AHRR: variants seen among roughly 807,000 people sequenced by gnomAD.
AHRR encodes the protein aryl hydrocarbon receptor repressor, also known as ahR repressor.
A neutral mutation model predicts 44.0 loss-of-function variants in AHRR; 28 were observed. That is an observed-to-expected ratio of 0.64 (90% CI 0.47 to 0.87). The LOEUF (loss-of-function observed/expected upper bound fraction) is 0.87, where lower values mean the gene tolerates loss of function less well. AHRR is among the 40% of genes least tolerant of loss of function. The pLI is 0.00. For synonymous variants in AHRR, 434 were observed against 407.0 expected (o/e 1.07, Z -0.80); for missense variants, 990 against 953.9 (o/e 1.04, Z -0.50).
intron 7 of AHRR, among the ~76,000 whole-genome samples, chr5:424,983 C>T (rs1473735618): frequency 1.3e-5 from 2 of 152,240 alleles, no homozygotes; most frequent in Non-Finnish European, 2.9e-5. Flanking sequence ...CCCTCAGAGC[C>T]CCAGTGGTGG....
At chr5:398,371 A>G (rs962250306) in intron 4 of AHRR, among the ~76,000 whole-genome samples, 4 of 149,120 alleles carry the variant, frequency 2.7e-5, no homozygotes, top group African/African-American at 1.0e-4. Flanking sequence ...GATTGTCCGC[A>G]TTAGCCCCGA....
chr5:403,207 A>T (rs759890276), intron 4 of AHRR, among the ~76,000 whole-genome samples: 1 of 151,954 alleles, frequency 6.6e-6, no homozygotes, highest in Non-Finnish European at 1.5e-5. Flanking sequence ...CGGGCTGAGG[A>T]GGGGAGTGGG....
At chr5:375,337 T>C (rs1258870624) in intron 3 of AHRR, among the ~76,000 whole-genome samples, 1 of 152,166 alleles carries the variant, frequency 6.6e-6, no homozygotes, top group Non-Finnish European at 1.5e-5. Context: ...TCTGTCTGGG[T>C]CGGGCTCTTG....
chr5:327,786 ATT>A, intron 1 of AHRR, among the ~76,000 whole-genome samples: 1 of 151,962 alleles, frequency 6.6e-6, no homozygotes, highest in African/African-American at 2.4e-5. Flanking sequence ...ATTTTATTTT[ATT>A]TTATTATTAC....
rs1396655576 is a variant in AHRR, at chr5:383,926, C to CA, written c.351+7212dup. 2.0e-5 allele frequency among the ~76,000 whole-genome samples: 3 copies of CA among 152,062 alleles called. No homozygotes were observed. The highest frequency in any genetic ancestry group is 4.8e-5 in the African/African-American group (2 of 41,398). ...CTTACTCCATCTTTTTACTTTTAAT[C>CA]AATTTATGTCATTATATTAAAAGTG... On this transcript the variant is annotated intron_variant, in intron 4 of 10. Transcript: ENST00000684583. This position sits in a 1 kb window ranked among gnomAD's most constrained non-coding sequence, Gnocchi z 4.0.
rs1166161604 is a variant in AHRR at position 337,474 on chromosome 5, G to A, written c.-10-6419G>A. On this transcript the variant is annotated intron_variant, in intron 1 of 10. Coordinates refer to ENST00000684583, the MANE Select transcript of AHRR (RefSeq NM_001377236.1). The surrounding 1 kb of genome is among the most constrained non-coding windows in gnomAD (Gnocchi z 4.1). Reference sequence around the variant, plus strand: ...GCTCACTGCAGCCTTGACCTCCCAGGCTCAAGCGATACTCCTGCCTTAGTC... The same window carrying A: ...GCTCACTGCAGCCTTGACCTCCCAGACTCAAGCGATACTCCTGCCTTAGTC... Among the ~76,000 whole-genome samples the A allele has an allele frequency of 6.6e-6, 1 of 152,094 alleles. No homozygotes were observed. Among genetic ancestry groups the A allele is most frequent in the Non-Finnish European group, 1.5e-5 (1 of 68,020 alleles).
chr5:324,928 G>A (rs991263143), intron 1 of AHRR, among the ~76,000 whole-genome samples: 1 of 152,206 alleles, frequency 6.6e-6, no homozygotes, highest in Non-Finnish European at 1.5e-5. Flanking sequence ...ATATTTATCT[G>A]CTTCTGGTGA....
rs77661553 is a variant in AHRR, at chr5:408,147, T to C, written c.352-5197T>C. Among the ~76,000 whole-genome samples the C allele has an allele frequency of 1.8e-4, 28 of 152,364 alleles. No individual in the cohort carries two copies. In the East Asian group the frequency reaches 3.5e-3, roughly 19 times the overall value. ...CAATGAATAAATGTGTGAGCATGGC[T>C]GTGTTCCAGCGAGGCTCTGTTTACA... On this transcript the variant is annotated intron_variant, in intron 4 of 10. Transcript: ENST00000684583.
At chr5:327,623 T>C (rs920268087) in intron 1 of AHRR, among the ~76,000 whole-genome samples, 9 of 152,232 alleles carry the variant, frequency 5.9e-5, no homozygotes, top group African/African-American at 2.2e-4. Flanking sequence ...ATTAATCCAC[T>C]GATGGGAACT....
rs998860769 is a variant in AHRR, at chr5:405,375, A to T, written c.352-7969A>T. The stretch of plus-strand genomic sequence containing the variant: ...CGTGGTGGAGTTCAGGGTGATAACG[A>T]TGGGCTTCTTTACTGATGCCAAACC... On this transcript the variant is annotated intron_variant, in intron 4 of 10. Transcript: ENST00000684583. This position sits in a 1 kb window ranked among gnomAD's most constrained non-coding sequence, Gnocchi z 4.5. 6.6e-6 allele frequency among the ~76,000 whole-genome samples: 1 copy of T among 152,146 alleles called. No individual in the cohort carries two copies. The highest frequency in any genetic ancestry group is 1.5e-5 in the Non-Finnish European group (1 of 68,024).
intron 2 of AHRR, among the ~76,000 whole-genome samples, chr5:350,214 A>G (rs1246590637): frequency 6.6e-6 from 1 of 152,250 alleles, no homozygotes; most frequent in Admixed American, 6.5e-5. Context: ...GAGAATTGCC[A>G]TCAACAATAT....
At chr5:350,550 T>A (rs757421268) in intron 2 of AHRR, among the ~76,000 whole-genome samples, 15 of 152,096 alleles carry the variant, frequency 9.9e-5, no homozygotes, top group Non-Finnish European at 1.9e-4. Flanking sequence ...CGGCCATCTC[T>A]CCCATCTCTC....
At chr5:343,176 C>T (rs1034579317) in intron 1 of AHRR, among the ~76,000 whole-genome samples, 4 of 151,228 alleles carry the variant, frequency 2.6e-5, no homozygotes, top group Non-Finnish European at 4.4e-5. Context: ...TGTGTCCTCT[C>T]GGAGTGACAG....
chr5:332,152 G>A (rs192921999), intron 1 of AHRR, among the ~76,000 whole-genome samples: 35 of 151,764 alleles, frequency 2.3e-4, no homozygotes, highest in African/African-American at 8.2e-4. Flanking sequence ...TTCCACTGTG[G>A]TTTGAGAAGA....
chr5:427,716 G>C lies in AHRR; in HGVS notation c.709-91G>C, dbSNP rs1462957500. ...GTGAGCTGCCTCCCTACGAATTCCA[G>C]CCGCTGTCGCGCCCTTGAGTTCTGT... is the stretch of plus-strand genomic sequence containing the variant. On this transcript the variant is annotated intron_variant, in intron 7 of 10. Coordinates refer to ENST00000684583, the MANE Select transcript of AHRR (RefSeq NM_001377236.1). 4 of 1,613,820 alleles carry C rather than the reference G, an allele frequency of 2.5e-6. No homozygotes were observed. The African/African-American group carries it at 5.3e-5, about 22-fold the overall frequency.
intron 4 of AHRR, among the ~76,000 whole-genome samples, chr5:381,606 C>T (rs1043696762): frequency 6.8e-6 from 1 of 146,986 alleles, no homozygotes; most frequent in Admixed American, 7.0e-5. Flanking sequence ...ATCTCTGCCT[C>T]CCGGGATCAA....
At chr5:335,651 A>AG (rs1319314848) in intron 1 of AHRR, among the ~76,000 whole-genome samples, 1 of 152,222 alleles carries the variant, frequency 6.6e-6, no homozygotes, top group Non-Finnish European at 1.5e-5. Context: ...CAGCTGCCAC[A>AG]GGGAGGGTGG....
At chr5:391,429 AGGGCGAGGCGGGCG>A (rs1470864774) in intron 4 of AHRR, among the ~76,000 whole-genome samples, 13 of 110,518 alleles carry the variant, frequency 1.2e-4, no homozygotes, top group African/African-American at 5.8e-4. Flanking sequence ...GCACGGGGGC[AGGGCGAGGCGGGCG>A]CAGGGCGAGG....
intron 1 of AHRR, among the ~76,000 whole-genome samples, chr5:334,119 T>G (rs775856289): frequency 6.6e-6 from 1 of 152,116 alleles, no homozygotes; most frequent in Non-Finnish European, 1.5e-5. Flanking sequence ...TATAGGTGAC[T>G]AGATGCTTTT....
Sources: allele counts gnomAD v4.1 joint callset (sites outside exome capture counted in the v4.1 genomes callset), GRCh38; gene constraint gnomAD v4.1.1; non-coding constraint Gnocchi (gnomAD v3.1); transcripts MANE v1.5; gene names NCBI Gene and HGNC (gene_info 2026-07-23, HGNC 2026-07-21).